Variants in PTPRD observed in about 807,000 individuals in gnomAD.
The protein encoded by PTPRD is protein tyrosine phosphatase receptor type D.
PTPRD carries 34 observed loss-of-function variants against 214.5 expected under a neutral mutation model. The ratio of observed to expected loss-of-function variants is 0.16; its 90% confidence interval spans 0.12 to 0.21. The LOEUF (loss-of-function observed/expected upper bound fraction) is 0.21, where lower values mean the gene tolerates loss of function less well. Ranked by LOEUF, PTPRD falls within the 10% of genes least tolerant of loss-of-function variation. PTPRD has a pLI of 1.00. For missense variants in PTPRD, 2,545 were observed against 2,398.7 expected (o/e 1.06, Z -1.27); for synonymous variants, 1,128 against 845.7 (o/e 1.33, Z -5.79).
intron 12 of PTPRD, among the ~76,000 whole-genome samples, chr9:8,655,729 T>A (rs999369596): frequency 6.6e-6 from 1 of 151,386 alleles, no homozygotes. Flanking sequence ...CTCTCAACCA[T>A]TCCCACTTGC....
intron 2 of PTPRD, among the ~76,000 whole-genome samples, chr9:10,560,933 A>T (rs923729548): frequency 6.6e-5 from 10 of 152,190 alleles, no homozygotes; most frequent in South Asian, 2.1e-4. Flanking sequence ...AGAGTGCTTA[A>T]CCTAGAAGAA....
intron 9 of PTPRD, among the ~76,000 whole-genome samples, chr9:9,316,438 A>G (rs1352039421): frequency 2.0e-5 from 3 of 152,150 alleles, no homozygotes; most frequent in Non-Finnish European, 4.4e-5. Context: ...TCCTCAAATT[A>G]AAAACAAGAC....
At chr9:9,175,390 A>G (rs1289508782) in intron 10 of PTPRD, among the ~76,000 whole-genome samples, 2 of 152,012 alleles carry the variant, frequency 1.3e-5, no homozygotes, top group Non-Finnish European at 2.9e-5. Flanking sequence ...TGGGAGGCCA[A>G]GGCAGGTGGA....
intron 10 of PTPRD, among the ~76,000 whole-genome samples, chr9:9,177,124 C>G (rs940332815): frequency 6.6e-6 from 1 of 152,088 alleles, no homozygotes. Context: ...TCTCAGGAAA[C>G]TTACAATCAT....
intron 11 of PTPRD, among the ~76,000 whole-genome samples, chr9:8,988,288 C>A (rs1422776410): frequency 3.9e-5 from 6 of 152,070 alleles, no homozygotes; most frequent in Non-Finnish European, 8.8e-5. Flanking sequence ...GATTAACTTA[C>A]CGTTGGCCAT....
chr9:8,455,926 G>C (rs976174493), intron 33 of PTPRD, among the ~76,000 whole-genome samples: 1 of 152,076 alleles, frequency 6.6e-6, no homozygotes, highest in African/African-American at 2.4e-5. Flanking sequence ...ATAAAGGTCA[G>C]CCTCACCATA....
intron 9 of PTPRD, among the ~76,000 whole-genome samples, chr9:9,262,467 T>C (rs2099980560): frequency 6.6e-6 from 1 of 151,538 alleles, no homozygotes; most frequent in Non-Finnish European, 1.5e-5. Flanking sequence ...TTTGGACCAG[T>C]CACATTTCGA....
chr9:10,421,277 T>C (rs1387740616), intron 2 of PTPRD, among the ~76,000 whole-genome samples: 1 of 151,786 alleles, frequency 6.6e-6, no homozygotes, highest in Admixed American at 6.6e-5. Flanking sequence ...TACTTACCTA[T>C]ATTTTCTTCT....
intron 5 of PTPRD, among the ~76,000 whole-genome samples, chr9:9,779,484 A>G (rs1022659519): frequency 1.3e-5 from 2 of 152,202 alleles, no homozygotes; most frequent in Admixed American, 1.3e-4. Flanking sequence ...CGGAATGTAT[A>G]AGAAACTTAA....
intron 8 of PTPRD, among the ~76,000 whole-genome samples, chr9:9,493,923 T>G (rs1003462166): frequency 1.2e-4 from 19 of 152,244 alleles, no homozygotes; most frequent in Middle Eastern, 3.4e-3. Context: ...AAAATTTAGA[T>G]TTTATTCCAA....
At chr9:10,540,830 A>T (rs1199073259) in intron 2 of PTPRD, among the ~76,000 whole-genome samples, 1 of 152,142 alleles carries the variant, frequency 6.6e-6, no homozygotes, top group Non-Finnish European at 1.5e-5. Flanking sequence ...GATGTTTTTC[A>T]AATCATAAAA....
intron 11 of PTPRD, among the ~76,000 whole-genome samples, chr9:9,009,399 C>A (rs1255436141): frequency 2.0e-5 from 3 of 149,824 alleles, no homozygotes; most frequent in African/African-American, 7.3e-5. Flanking sequence ...CAAATTTCAG[C>A]AGTTCTTTCT....
intron 11 of PTPRD, among the ~76,000 whole-genome samples, chr9:8,899,974 C>T (rs2098653892): frequency 6.6e-6 from 1 of 152,140 alleles, no homozygotes; most frequent in South Asian, 2.1e-4. Context: ...TCCAAACATG[C>T]TTGAACACAT....
intron 3 of PTPRD, among the ~76,000 whole-genome samples, chr9:10,234,004 G>A (rs899399290): frequency 1.3e-5 from 2 of 151,610 alleles, no homozygotes; most frequent in Non-Finnish European, 2.9e-5. Flanking sequence ...TGTAATCCCA[G>A]CACTTTTGGA....
chr9:9,926,554 C>CT (rs1487267198), intron 5 of PTPRD, among the ~76,000 whole-genome samples: 1 of 152,010 alleles, frequency 6.6e-6, no homozygotes, highest in African/African-American at 2.4e-5. Context: ...AAACCAAACT[C>CT]TATGATTTAA....
At chr9:8,829,073 C>G (rs554927112) in intron 11 of PTPRD, among the ~76,000 whole-genome samples, 25 of 152,160 alleles carry the variant, frequency 1.6e-4, no homozygotes, top group African/African-American at 6.0e-4. Context: ...ATAATCACTA[C>G]TAATGTTTCC....
intron 2 of PTPRD, among the ~76,000 whole-genome samples, chr9:10,453,756 G>C (rs1223569661): frequency 2.0e-5 from 3 of 151,440 alleles, no homozygotes. Context: ...CCAAAACCAT[G>C]TACCTTCTTC....
chr9:9,700,459 C>G (rs2097475326), intron 7 of PTPRD, among the ~76,000 whole-genome samples: 1 of 151,996 alleles, frequency 6.6e-6, no homozygotes, highest in South Asian at 2.1e-4. Context: ...GTGTAAGGCA[C>G]TCTACATGGT....
intron 9 of PTPRD, among the ~76,000 whole-genome samples, chr9:9,275,480 T>C (rs1179355606): frequency 6.6e-6 from 1 of 150,954 alleles, no homozygotes; most frequent in African/African-American, 2.4e-5. Context: ...ACTATTTTCC[T>C]GATCTTACAT....
Sources: gnomAD v4.1 joint callset for allele counts (sites outside exome capture counted in the v4.1 genomes callset) on GRCh38, gnomAD v4.1.1 for gene constraint, MANE v1.5 for transcripts, NCBI Gene and HGNC (gene_info 2026-07-23, HGNC 2026-07-21) for gene names.